IL17REL: variants seen among roughly 807,000 people sequenced by gnomAD.
The protein encoded by IL17REL is interleukin 17 receptor E like, also known as interleukin-17 receptor E-like protein.
A neutral mutation model predicts 49.0 loss-of-function variants in IL17REL; 36 were observed. The observed-to-expected ratio is 0.73, with a 90% CI of 0.56 to 0.97. The LOEUF is 0.97. Among genes scored for constraint, IL17REL ranks in the 50% least tolerant of loss-of-function variants. The pLI, the probability that IL17REL is intolerant of heterozygous loss-of-function variation, is 0.00. For missense variants in IL17REL, 470 were observed against 453.9 expected, an observed-to-expected ratio of 1.04 and a Z score of -0.32; for synonymous variants, 206 against 192.4, an observed-to-expected ratio of 1.07 and a Z score of -0.58.
intron 1 of IL17REL, among the ~76,000 whole-genome samples, chr22:50,003,794 C>T (rs2061092428): frequency 6.6e-6 from 1 of 151,848 alleles, no homozygotes; most frequent in South Asian, 2.1e-4. Flanking sequence ...AGATTATTTC[C>T]ACCCCTCAGA....
In IL17REL at chr22:49,998,039, G is replaced by A; in HGVS notation, c.805C>T (p.Gln269Ter). ...CAGCCCCTCACCTTCAGGCAGAGCT[G>A]GGGCTGGGTGTCCACCAGCGGGTAC... Residue 269 changes from glutamine (Q) to a stop codon, truncating the protein, a stop_gained, in exon 9 of 13, where the codon CAG becomes TAG. Transcript: ENST00000341280. LOFTEE classifies it high-confidence loss of function. The A allele has an allele frequency of 6.3e-7, 1 of 1,594,212 alleles. No homozygotes were observed. The highest frequency in any genetic ancestry group is 8.5e-7 in the Non-Finnish European group (1 of 1,175,214).
At chr22:49,992,135 G>A (rs1242032666), downstream of IL17REL, among the ~76,000 whole-genome samples, 1 of 152,150 alleles carries the variant, frequency 6.6e-6, no homozygotes, top group Non-Finnish European at 1.5e-5. Context: ...TTTGAGTTCT[G>A]TCTATCCTTT....
At chr22:49,998,891 G>C (rs2061055630) in intron 7 of IL17REL, among the ~76,000 whole-genome samples, 1 of 151,908 alleles carries the variant, frequency 6.6e-6, no homozygotes, top group Non-Finnish European at 1.5e-5. Context: ...GTGCATGTGT[G>C]TGTGCATGTG....
Position 50,005,660 on chromosome 22 carries a change from G to A in IL17REL, c.-42+2977C>T, listed in dbSNP as rs200908178. ...CTGCTAAAAATACAATGATTAGCTG[G>A]GCATGGTGCTGCTGGGCGCCTGTAA... On this transcript the variant is annotated intron_variant, in intron 1 of 12. Transcript: ENST00000341280. 2.6e-5 allele frequency among the ~76,000 whole-genome samples: 4 copies of A among 151,994 alleles called. No individual in the cohort carries two copies. In the East Asian group the frequency reaches 7.8e-4, roughly 30 times the overall value.
chr22:50,000,867 G>T lies in IL17REL; in HGVS notation c.110-4C>A. ...GCCTCCAGGCCCCGCAGGCGCTCTGGGTGGAGGAAGGACCCGGCAGGGTGC... is the reference window on the plus strand; with the variant it reads ...GCCTCCAGGCCCCGCAGGCGCTCTGTGTGGAGGAAGGACCCGGCAGGGTGC... On this transcript the variant is annotated splice_polypyrimidine_tract_variant and splice_region_variant and intron_variant, in intron 2 of 12. Coordinates refer to ENST00000341280, the Ensembl canonical transcript of IL17REL. The T allele has an allele frequency of 6.5e-7, 1 of 1,537,140 alleles. No individual in the cohort carries two copies. The highest frequency in any genetic ancestry group is 8.7e-7 in the Non-Finnish European group (1 of 1,145,208).
At chr22:50,003,361 A>G (rs1179294850) in intron 1 of IL17REL, among the ~76,000 whole-genome samples, 3 of 151,974 alleles carry the variant, frequency 2.0e-5, no homozygotes, top group East Asian at 3.9e-4. Flanking sequence ...TCTCTACTAA[A>G]AATACAAAAA....
At chr22:49,991,969 A>G (rs1255834533), downstream of IL17REL, among the ~76,000 whole-genome samples, 1 of 152,150 alleles carries the variant, frequency 6.6e-6, no homozygotes, top group Admixed American at 6.5e-5. Context: ...TAAGAAGTAC[A>G]TTGGTTCTGT....
At chr22:50,000,566 C>T (rs781249708) in exon 4 of IL17REL, 6 of 1,613,484 alleles carry the variant, frequency 3.7e-6, no homozygotes, top group Non-Finnish European at 5.1e-6. Flanking sequence ...CCACGCTCAC[C>T]GCAAAGCAGC....
chr22:49,997,301 C>G lies in IL17REL; in HGVS notation c.974+19G>C. On this transcript the variant is annotated intron_variant, in intron 11 of 12. Transcript: ENST00000341280. ...CCACCCCCACCTCCCCAGGATGGAG[C>G]CCCACTCTCTCGGCTCACTGAGGCT... is the stretch of plus-strand genomic sequence containing the variant. The G allele has an allele frequency of 6.2e-7, 1 of 1,608,800 alleles. No homozygotes were observed. The highest frequency in any genetic ancestry group is 8.5e-7 in the Non-Finnish European group (1 of 1,176,546).
chr22:49,998,245 G>C, exon 8 of IL17REL: 2 of 1,612,576 alleles, frequency 1.2e-6, no homozygotes, highest in South Asian at 2.2e-5. Context: ...CGGGCTCCCA[G>C]CTCAGTGTCT....
At chr22:49,996,813 G>T (rs1359409413) in exon 13 of IL17REL, 7 of 525,188 alleles carry the variant, frequency 1.3e-5, no homozygotes, top group African/African-American at 9.9e-5. Context: ...TGGAGCGGAG[G>T]TTGCAGAGCT....
intron 1 of IL17REL, 31 bp from the exon 3 acceptor site, chr22:50,001,262 A>G: frequency 3.1e-6 from 3 of 956,516 alleles, no homozygotes; most frequent in Non-Finnish European, 4.9e-6. Context: ...TGAGGCCTCG[A>G]GTTCCCTGGT....
intron 1 of IL17REL, among the ~76,000 whole-genome samples, chr22:50,006,979 G>A (rs1229571989): frequency 9.2e-5 from 14 of 151,466 alleles, no homozygotes; most frequent in Admixed American, 7.9e-4. Context: ...AAAGGGAGGG[G>A]ATGTTAAACT....
chr22:50,007,747 G>A (rs2061117985), intron 1 of IL17REL, among the ~76,000 whole-genome samples: 1 of 151,980 alleles, frequency 6.6e-6, no homozygotes, highest in Non-Finnish European at 1.5e-5. Context: ...CCTTGCGCAG[G>A]GGCCAAGCTG....
chr22:50,009,588 T>C (rs900722552), upstream of IL17REL, among the ~76,000 whole-genome samples: 12 of 147,512 alleles, frequency 8.1e-5, no homozygotes, highest in Non-Finnish European at 1.4e-4. Flanking sequence ...AGCCGCTCCA[T>C]TCTTGAAAAG....
chr22:50,001,320 G>A (rs1347079352), intron 1 of IL17REL, 89 bp from the exon 3 acceptor site: 2 of 583,374 alleles, frequency 3.4e-6, no homozygotes, highest in African/African-American at 5.2e-5. Context: ...AGAGAGCCCT[G>A]GGGCTGCAGT....
At chr22:49,992,908 T>C (rs936812484), downstream of IL17REL, among the ~76,000 whole-genome samples, 55 of 152,148 alleles carry the variant, frequency 3.6e-4, no homozygotes, top group Non-Finnish European at 6.9e-4. Flanking sequence ...GGAGCCACCG[T>C]GCCCAGACCC....
chr22:49,999,455 C>T (rs2061060631), exon 6 of IL17REL: 2 of 1,611,482 alleles, frequency 1.2e-6, no homozygotes, highest in Non-Finnish European at 1.7e-6. Context: ...ACGGCAGCTC[C>T]TGGCTGTAGG....
At chr22:50,009,325 CA>C (rs746586435), upstream of IL17REL, among the ~76,000 whole-genome samples, 1 of 152,094 alleles carries the variant, frequency 6.6e-6, no homozygotes, top group Non-Finnish European at 1.5e-5. Context: ...CAAGGGCACT[CA>C]AAGAGGGGCA....
Sources: allele counts gnomAD v4.1 joint callset (sites outside exome capture counted in the v4.1 genomes callset), GRCh38; gene constraint gnomAD v4.1.1; transcripts MANE v1.5; gene names NCBI Gene and HGNC (gene_info 2026-07-23, HGNC 2026-07-21).